Variants in KIF9 observed in about 807,000 individuals in gnomAD.
KIF9 encodes kinesin-like protein KIF9.
In KIF9, 68 loss-of-function variants were observed where a neutral mutation model predicts 94.8. That is an observed-to-expected ratio of 0.72 (90% CI 0.59 to 0.88). KIF9 has a LOEUF of 0.88. KIF9 is among the 40% of genes least tolerant of loss of function. The pLI, the probability that KIF9 is intolerant of heterozygous loss-of-function variation, is 0.00. For missense variants in KIF9, 882 were observed against 982.5 expected, an observed-to-expected ratio of 0.90 and a Z score of 1.37; for synonymous variants, 343 against 362.1, an observed-to-expected ratio of 0.95 and a Z score of 0.60.
intron 17 of KIF9, chr3:47,240,247 C>G (rs1164913630): frequency 4.3e-6 from 1 of 230,804 alleles, no homozygotes; most frequent in Non-Finnish European, 8.8e-6. Context: ...TGGAGCACCC[C>G]CTGCCACCAG....
In KIF9 at chr3:47,235,531, T is replaced by C. The variant is rs368210479; in HGVS notation, c.2304A>G (p.Lys768=). The C allele has an allele frequency of 5.0e-5, 80 of 1,613,532 alleles. No individual in the cohort carries two copies. The highest frequency in any genetic ancestry group is 6.4e-5 in the Non-Finnish European group (75 of 1,179,560). ...GPDSISFYNA[K]VKIEQKHNYL... is the part of the protein sequence containing the mutation. The stretch of plus-strand genomic sequence containing the variant: ...GAGTTACCTTCTGCTCTATCTTGAC[T>C]TTGGCATTGTAGAAGGAGATGGAAT... Residue 768 remains lysine (K), a synonymous_variant, in exon 20 of 21, where the codon AAA becomes AAG. Transcript: ENST00000684063.
intron 17 of KIF9, chr3:47,239,763 A>G: frequency 1.1e-5 from 15 of 1,345,748 alleles, no homozygotes; most frequent in Non-Finnish European, 1.5e-5. Flanking sequence ...CCTCTGAGAA[A>G]TAAATGAGTA....
In KIF9 at chr3:47,241,884, ATTTTTT is replaced by A. The variant is rs199875749; in HGVS notation, c.1710-875_1710-870del. 6.2e-4 allele frequency among the ~76,000 whole-genome samples: 71 copies of A among 114,290 alleles called. 1 individual carries two copies. Among genetic ancestry groups the A allele is most frequent in the Admixed American group, 7.7e-4 (8 of 10,440 alleles). The allele number at this position is 114,290 out of a possible 152,430, so 75.0% of individuals were successfully genotyped here. On this transcript the variant is annotated intron_variant, in intron 16 of 20. Transcript: ENST00000684063. ...TATACACATATATATATATATATATATTTTTTTTTTTTTTTCTTTGGAGACAGCATG... is the reference window on the plus strand; with the variant it reads ...TATACACATATATATATATATATATATTTTTTTTTCTTTGGAGACAGCATG...
rs1699912365 is a variant in KIF9 at position 47,246,169 on chromosome 3, G to A, written c.1289+28C>T. On this transcript the variant is annotated intron_variant, in intron 13 of 20. Coordinates refer to ENST00000684063, the MANE Select transcript of KIF9 (RefSeq NM_182902.4). ...AGATGAAAATGGCAGCCTGATGTAG[G>A]AATGAGGTAGGGGTGGGGGTCTCTC... 1.9e-6 allele frequency: 3 copies of A among 1,599,776 alleles called. No individual in the cohort carries two copies. The East Asian group carries it at 6.7e-5, about 36-fold the overall frequency.
intron 1 of KIF9, 98 bp from the exon 2 acceptor site, chr3:47,277,477 G>A: frequency 1.2e-6 from 1 of 810,334 alleles, no homozygotes; most frequent in Non-Finnish European, 2.0e-6. Flanking sequence ...AGAGTGACGA[G>A]CAGTCCATTT....
intron 5 of KIF9, among the ~76,000 whole-genome samples, chr3:47,269,342 C>T (rs1258685933): frequency 6.6e-6 from 1 of 152,166 alleles, no homozygotes; most frequent in Non-Finnish European, 1.5e-5. Flanking sequence ...AGTGCAGTGG[C>T]ATGATCTCAG....
chr3:47,265,223 C>T (rs1701216247), intron 8 of KIF9, among the ~76,000 whole-genome samples: 1 of 152,028 alleles, frequency 6.6e-6, no homozygotes, highest in Non-Finnish European at 1.5e-5. Context: ...TGATACAGGG[C>T]AGGGAGGGGC....
At chr3:47,275,167 T>C in intron 3 of KIF9, 158 bp downstream of exon 3, 2 of 621,128 alleles carry the variant, frequency 3.2e-6, no homozygotes, top group South Asian at 2.2e-5. Flanking sequence ...ATGCCCACAA[T>C]GTCAACAAGC....
At chr3:47,235,471 C>T in intron 20 of KIF9, 42 bp downstream of exon 20, 1 of 1,374,816 alleles carries the variant, frequency 7.3e-7, no homozygotes, top group Non-Finnish European at 1.0e-6. Flanking sequence ...TTCCTAGTCA[C>T]TGAGGCCCCC....
chr3:47,236,604 T>C lies in KIF9; in HGVS notation c.1940A>G (p.Lys647Arg), dbSNP rs774830364. The change falls in exon 18 of 21, where the codon AAG becomes AGG. Residue 647 changes from lysine to arginine, a missense_variant. Lys to Arg is a conservative substitution (Grantham distance 26). Coordinates refer to ENST00000684063, the MANE Select transcript of KIF9 (RefSeq NM_182902.4). Reference protein sequence around the residue: ...LREKQGKYENKGLMIIDEEEF... With the variant: ...LREKQGKYENRGLMIIDEEEF... ...TTCCTCATCGATGATCATCAGCCCC[T>C]TGTTTTCGTACTTGCCTGCAAGGTG... The C allele has an allele frequency of 2.4e-5, 38 of 1,613,724 alleles. No individual in the cohort carries two copies. The South Asian group carries it at 4.0e-4, about 17-fold the overall frequency.
chr3:47,261,689 A>G (rs1700983110), intron 9 of KIF9, among the ~76,000 whole-genome samples: 2 of 152,176 alleles, frequency 1.3e-5, no homozygotes, highest in Non-Finnish European at 2.9e-5. Context: ...AGGACCACTG[A>G]CAGATCTCAC....
At chr3:47,256,952 T>G (rs545802062) in intron 10 of KIF9, among the ~76,000 whole-genome samples, 79 of 152,196 alleles carry the variant, frequency 5.2e-4, no homozygotes, top group African/African-American at 1.3e-3. Context: ...CAGCATGCTC[T>G]TTAAGAGTCA....
In KIF9 at chr3:47,247,396, C is replaced by T; in HGVS notation, c.1210G>A (p.Glu404Lys). The T allele has an allele frequency of 6.2e-7, 1 of 1,613,582 alleles. No homozygotes were observed. The highest frequency in any genetic ancestry group is 1.3e-5 in the African/African-American group (1 of 75,046). The change falls in exon 12 of 21, where the codon GAG (glutamate) becomes AAG (lysine). Residue 404 changes from glutamate to lysine, a missense_variant. Physicochemically the swap from Glu to Lys is moderately conservative, Grantham distance 56 (BLOSUM62 1). Coordinates refer to ENST00000684063, the MANE Select transcript of KIF9 (RefSeq NM_182902.4). The part of the protein sequence containing the change: ...EINSQVRRYL[E>K]GTLDEIDIIS... ...ACGTCGATCTCGTCCAGTGTCCCCT[C>T]CAGGTACCTCCGCACCTGGGAGTTG...
intron 9 of KIF9, among the ~76,000 whole-genome samples, chr3:47,261,836 GACTCTCCT>G (rs931153192): frequency 2.3e-4 from 35 of 152,206 alleles, no homozygotes; most frequent in African/African-American, 8.4e-4. Context: ...GGCCAAGTCA[GACTCTCCT>G]ACTCCAAGTA....
intron 2 of KIF9, 94 bp downstream of exon 2, chr3:47,277,188 T>C (rs1475288305): frequency 2.3e-6 from 2 of 861,476 alleles, no homozygotes; most frequent in South Asian, 1.6e-5. Context: ...CAATTCTGTC[T>C]TGGTCCTTCA....
intron 15 of KIF9, chr3:47,243,473 G>T (rs1699720769): frequency 2.5e-6 from 1 of 392,582 alleles, no homozygotes; most frequent in Non-Finnish European, 4.6e-6. Flanking sequence ...AGAGCCCTCG[G>T]TGGTCTTGGC....
At chr3:47,237,619 A>ACATC (rs1699130064) in intron 17 of KIF9, among the ~76,000 whole-genome samples, 1 of 152,192 alleles carries the variant, frequency 6.6e-6, no homozygotes, top group Non-Finnish European at 1.5e-5. Context: ...CAAAGGCATC[A>ACATC]CATCAACCGC....
intron 5 of KIF9, among the ~76,000 whole-genome samples, chr3:47,268,395 A>G (rs1466077391): frequency 6.6e-6 from 1 of 152,096 alleles, no homozygotes; most frequent in Non-Finnish European, 1.5e-5. Flanking sequence ...GGTGGGGGAC[A>G]GCCCCCCCTG....
At chr3:47,277,993 A>AGTGTGTGTGTGTGT (rs147140971) in intron 1 of KIF9, among the ~76,000 whole-genome samples, 114 of 150,210 alleles carry the variant, frequency 7.6e-4, no homozygotes, top group African/African-American at 2.5e-3. Context: ...ATTTTCTTTC[A>AGTGTGTGTGTGTGT]GTGTGTGTGT....
Sources: allele counts gnomAD v4.1 joint callset (sites outside exome capture counted in the v4.1 genomes callset), GRCh38; gene constraint gnomAD v4.1.1; transcripts MANE v1.5; gene names NCBI Gene and HGNC (gene_info 2026-07-23, HGNC 2026-07-21).